The following LRRC37A2 variants were observed in gnomAD, a reference collection of about 807,000 sequenced individuals.
LRRC37A2 encodes leucine rich repeat containing 37 member A2.
In LRRC37A2, 9 loss-of-function variants were observed where a neutral mutation model predicts 68.8. That is an observed-to-expected ratio of 0.13 (90% CI 0.08 to 0.23). The LOEUF (loss-of-function observed/expected upper bound fraction) is 0.23. Ranked by LOEUF, LRRC37A2 falls within the 10% of genes least tolerant of loss-of-function variation. The pLI is 1.00. For missense variants in LRRC37A2, 168 were observed against 950.4 expected, an observed-to-expected ratio of 0.18 and a Z score of 10.82; for synonymous variants, 63 against 367.6, an observed-to-expected ratio of 0.17 and a Z score of 9.48.
At chr17:46,768,704 A>G in the LRRC37A2 span, 2 of 1,614,100 alleles carry the variant, frequency 1.2e-6, no homozygotes. This position sits in a 1 kb window ranked among gnomAD's most constrained non-coding sequence, Gnocchi z 5.0. Flanking sequence ...CACCGATGGC[A>G]CGGAAGTCAG....
chr17:46,834,979 C>A, the LRRC37A2 span, among the ~76,000 whole-genome samples: 15 of 151,328 alleles, frequency 9.9e-5, no homozygotes, highest in African/African-American at 3.7e-4. Flanking sequence ...CTCTCTTCTT[C>A]TTCTCCTTCT....
chr17:47,040,467 C>T, the LRRC37A2 span, among the ~76,000 whole-genome samples: 1 of 151,106 alleles, frequency 6.6e-6, no homozygotes, highest in Admixed American at 6.6e-5. Context: ...ATCCATGCTG[C>T]CAGGGTTTGG....
At chr17:46,882,122 T>C in the LRRC37A2 span, among the ~76,000 whole-genome samples, 1 of 152,174 alleles carries the variant, frequency 6.6e-6, no homozygotes, top group Non-Finnish European at 1.5e-5. Flanking sequence ...CACCACTGCC[T>C]TCCAGCCTGA....
the LRRC37A2 span, among the ~76,000 whole-genome samples, chr17:46,817,399 T>G: frequency 2.0e-5 from 3 of 152,066 alleles, no homozygotes; most frequent in Non-Finnish European, 4.4e-5. Context: ...GGCTCTCCTA[T>G]GTCCAGGAGG....
chr17:46,499,341 G>A, the LRRC37A2 span, among the ~76,000 whole-genome samples: 2 of 140,282 alleles, frequency 1.4e-5, no homozygotes, highest in Non-Finnish European at 3.1e-5. Context: ...AAAAAGGTGG[G>A]GGGACAATGT....
At chr17:46,615,718 CAAA>C in the LRRC37A2 span, among the ~76,000 whole-genome samples, 2 of 49,492 alleles carry the variant, frequency 4.0e-5, no homozygotes. Context: ...CCTTGCCTCA[CAAA>C]AAAAAAAAAA....
the LRRC37A2 span, among the ~76,000 whole-genome samples, chr17:46,902,156 A>G: frequency 3.9e-5 from 6 of 152,186 alleles, no homozygotes; most frequent in Non-Finnish European, 7.4e-5. Flanking sequence ...TGTTGACCCA[A>G]TGAGGTGAGC....
the LRRC37A2 span, among the ~76,000 whole-genome samples, chr17:46,492,701 T>TG: frequency 7.0e-6 from 1 of 142,860 alleles, no homozygotes; most frequent in South Asian, 2.1e-4. Flanking sequence ...TTTTTTTTTT[T>TG]TTTTTTTTTT....
the LRRC37A2 span, among the ~76,000 whole-genome samples, chr17:47,021,021 T>A: frequency 3.2e-3 from 480 of 152,128 alleles, 1 homozygote; most frequent in Non-Finnish European, 4.3e-3. Context: ...AGGCAAACGC[T>A]TGGCTACAGG....
the LRRC37A2 span, among the ~76,000 whole-genome samples, chr17:46,773,070 A>C: frequency 6.6e-6 from 1 of 152,084 alleles, no homozygotes; most frequent in African/African-American, 2.4e-5. Flanking sequence ...AAGTCAAATC[A>C]TGTGGTTCCC....
At chr17:46,796,214 G>A in the LRRC37A2 span, among the ~76,000 whole-genome samples, 20,520 of 152,184 alleles carry the variant, frequency 0.13, 1,651 homozygotes, top group African/African-American at 0.22. Context: ...AAGAGGCTGC[G>A]GGGAGGAAGA....
chr17:46,522,660 G>A (rs1311529369), intron 4 of LRRC37A2, among the ~76,000 whole-genome samples: 1 of 57,152 alleles, frequency 1.7e-5, no homozygotes, highest in Non-Finnish European at 3.4e-5. Context: ...TAGCCAGGAT[G>A]GTCTCGATAT....
the LRRC37A2 span, among the ~76,000 whole-genome samples, chr17:47,002,469 C>T: frequency 6.6e-6 from 1 of 151,912 alleles, no homozygotes; most frequent in Non-Finnish European, 1.5e-5. Flanking sequence ...TGGCTCACTG[C>T]AACCTCCGCC....
the LRRC37A2 span, among the ~76,000 whole-genome samples, chr17:46,997,738 G>C: frequency 6.6e-6 from 1 of 152,194 alleles, no homozygotes; most frequent in Non-Finnish European, 1.5e-5. Context: ...GGAAGACCTA[G>C]GCAGGTAGAT....
the LRRC37A2 span, among the ~76,000 whole-genome samples, chr17:46,685,328 T>A: frequency 6.7e-6 from 1 of 149,796 alleles, no homozygotes; most frequent in Admixed American, 6.7e-5. Context: ...ATATTAATTA[T>A]AGCCAGCCTT....
chr17:46,818,390 G>GT, the LRRC37A2 span: 3 of 872,862 alleles, frequency 3.4e-6, no homozygotes, highest in South Asian at 4.4e-5. Context: ...GGGTGGGCGG[G>GT]TGGGGGGCTG....
chr17:46,707,126 C>T, the LRRC37A2 span, among the ~76,000 whole-genome samples: 1 of 152,236 alleles, frequency 6.6e-6, no homozygotes, highest in African/African-American at 2.4e-5. Flanking sequence ...ACTGGGATTA[C>T]AGGCGTGAGC....
chr17:46,880,277 G>T, the LRRC37A2 span, among the ~76,000 whole-genome samples: 1 of 152,246 alleles, frequency 6.6e-6, no homozygotes, highest in African/African-American at 2.4e-5. Context: ...TGCCAACCCT[G>T]GACATTACTT....
chr17:46,558,828 CTT>C (rs2057441398), downstream of LRRC37A2: 1 of 113,940 alleles, frequency 8.8e-6, no homozygotes, highest in South Asian at 2.7e-4. Context: ...AAAGGGACCT[CTT>C]TTATTCTTTT....
Sources: allele counts gnomAD v4.1 joint callset (sites outside exome capture counted in the v4.1 genomes callset), GRCh38; gene constraint gnomAD v4.1.1; non-coding constraint Gnocchi (gnomAD v3.1); transcripts MANE v1.5; gene names NCBI Gene and HGNC (gene_info 2026-07-23, HGNC 2026-07-21).